Variants in DAB1 observed in about 807,000 individuals in gnomAD.
The protein encoded by DAB1 is DAB adaptor protein 1.
DAB1 carries 15 observed loss-of-function variants against 64.6 expected under a neutral mutation model. The ratio of observed to expected loss-of-function variants is 0.23; its 90% CI spans 0.16 to 0.36. DAB1 has a LOEUF of 0.36. DAB1 is among the 10% of genes least tolerant of loss of function. The pLI is 1.00. For missense variants in DAB1, 596 were observed against 706.7 expected, an observed-to-expected ratio of 0.84 and a Z score of 1.78; for synonymous variants, 235 against 251.9, an observed-to-expected ratio of 0.93 and a Z score of 0.64.
At chr1:57,475,249 C>T (rs545851442) in intron 7 of DAB1, among the ~76,000 whole-genome samples, 3 of 152,268 alleles carry the variant, frequency 2.0e-5, no homozygotes, top group African/African-American at 7.2e-5. Context: ...TGCACCCCAG[C>T]CTGGGTGACA....
chr1:57,505,263 A>G (rs983135612), intron 7 of DAB1, among the ~76,000 whole-genome samples: 5 of 152,224 alleles, frequency 3.3e-5, no homozygotes, highest in Non-Finnish European at 7.3e-5. Context: ...AAAAGTATCC[A>G]TTACATCGCA....
intron 4 of DAB1, among the ~76,000 whole-genome samples, chr1:58,280,205 G>A (rs1351705362): frequency 6.6e-6 from 1 of 152,176 alleles, no homozygotes; most frequent in African/African-American, 2.4e-5. Context: ...CCTCCTGTGA[G>A]GAGTCATCCA....
intron 1 of DAB1, among the ~76,000 whole-genome samples, chr1:57,368,633 T>C (rs1307365249): frequency 6.6e-6 from 1 of 152,148 alleles, no homozygotes; most frequent in African/African-American, 2.4e-5. Context: ...GAACACTTGA[T>C]GGGATGATCT....
intron 6 of DAB1, among the ~76,000 whole-genome samples, chr1:57,728,548 C>T (rs1009163221): frequency 1.3e-5 from 2 of 151,666 alleles, no homozygotes; most frequent in Admixed American, 6.6e-5. Context: ...GAGCCGAGAT[C>T]ACGTCACCGT....
intron 1 of DAB1, among the ~76,000 whole-genome samples, chr1:57,399,207 T>C (rs1483119578): frequency 6.6e-6 from 1 of 152,096 alleles, no homozygotes; most frequent in Non-Finnish European, 1.5e-5. Flanking sequence ...AGTGTGAGGG[T>C]CTTTTTTTCT....
At position 58,133,871 on chromosome 1, in the gene DAB1, A is replaced by C. The variant is rs184433912; in HGVS notation, n.387+16640T>G. Among the ~76,000 whole-genome samples the C allele has an allele frequency of 2.1e-3, 317 of 152,214 alleles. 4 individuals carry two copies. Among genetic ancestry groups the C allele is most frequent in the African/African-American group, 7.4e-3 (309 of 41,534 alleles). ...TGTAATGAGCAACATTGCCAATTTA[A>C]TCTTTGGGGCCTGTCAATTCCTCCT... is the stretch of plus-strand genomic sequence containing the variant. On this transcript the variant is annotated intron_variant and non_coding_transcript_variant, in intron 5 of 20. Transcript: ENST00000485760.
intron 1 of DAB1, among the ~76,000 whole-genome samples, chr1:57,329,498 A>T (rs1027347048): frequency 1.3e-5 from 2 of 152,084 alleles, no homozygotes; most frequent in African/African-American, 4.8e-5. Context: ...ATATCTAAAC[A>T]GTAATTCTAA....
Position 57,358,604 on chromosome 1 carries a change from T to G in DAB1, c.-137+65326A>C, listed in dbSNP as rs12025486. ...AATGTAACCCTTACTGGAAACATTC[T>G]TCACAGAAATAGAAAAAAAAAATCT... On this transcript the variant is annotated intron_variant, in intron 1 of 14. Coordinates refer to ENST00000371236, the MANE Select transcript of DAB1 (RefSeq NM_001365792.1). 2.6e-3 allele frequency among the ~76,000 whole-genome samples: 400 copies of G among 152,140 alleles called. 13 individuals carry two copies. The East Asian group carries it at 0.055, about 21-fold the overall frequency.
intron 14 of DAB1, among the ~76,000 whole-genome samples, chr1:56,998,843 C>T (rs143387062): frequency 1.5e-3 from 221 of 152,272 alleles, no homozygotes; most frequent in African/African-American, 5.1e-3. Flanking sequence ...GCATGTAATG[C>T]AGCAAACCTG....
intron 7 of DAB1, among the ~76,000 whole-genome samples, chr1:57,620,032 AC>A (rs1156693867): frequency 1.3e-5 from 2 of 152,138 alleles, no homozygotes; most frequent in African/African-American, 4.8e-5. Context: ...CCTCGCCTTT[AC>A]TGTATTTGTT....
chr1:58,078,215 T>C (rs745947836), intron 5 of DAB1, among the ~76,000 whole-genome samples: 4 of 152,230 alleles, frequency 2.6e-5, no homozygotes, highest in Non-Finnish European at 5.9e-5. Flanking sequence ...CCACTTTTTA[T>C]CTTAACTCCT....
At chr1:57,960,523 T>G (rs1570086066) in intron 5 of DAB1, among the ~76,000 whole-genome samples, 1 of 148,824 alleles carries the variant, frequency 6.7e-6, no homozygotes, top group Admixed American at 6.7e-5. Context: ...TCTATGTGAG[T>G]GTTAAATATT....
At chr1:57,343,089 CA>C (rs1386330945) in intron 1 of DAB1, among the ~76,000 whole-genome samples, 2 of 152,038 alleles carry the variant, frequency 1.3e-5, no homozygotes, top group Admixed American at 6.5e-5. Context: ...TCTGTTTTGA[CA>C]GGGCGCTGAT....
At chr1:57,809,850 G>A (rs537408971) in intron 6 of DAB1, among the ~76,000 whole-genome samples, 7 of 152,236 alleles carry the variant, frequency 4.6e-5, no homozygotes, top group South Asian at 2.1e-4. Flanking sequence ...TAGAACATCC[G>A]TGTTTCCTAC....
chr1:57,881,238 A>G (rs1644139077), intron 1 of DAB1, among the ~76,000 whole-genome samples: 1 of 152,224 alleles, frequency 6.6e-6, no homozygotes, highest in Non-Finnish European at 1.5e-5. Flanking sequence ...GAACACTGCC[A>G]CTACTGCTGG....
chr1:58,156,985 T>C lies in DAB1; in HGVS notation n.310-6397A>G, dbSNP rs572812623. Among the ~76,000 whole-genome samples, 37 of 152,300 alleles carry C rather than the reference T, an allele frequency of 2.4e-4. 1 individual carries two copies. The East Asian group carries it at 6.9e-3, about 29-fold the overall frequency. On this transcript the variant is annotated intron_variant and non_coding_transcript_variant, in intron 4 of 20. Coordinates refer to the DAB1 transcript ENST00000485760. ...TGGTAGTAACAGCATCTGGTCTGCC[T>C]ACCGAACGGGATCTGAGTTATTCAA...
intron 1 of DAB1, among the ~76,000 whole-genome samples, chr1:57,830,223 A>T (rs1652527718): frequency 1.3e-5 from 2 of 152,200 alleles, no homozygotes; most frequent in African/African-American, 4.8e-5. Context: ...GCAAAGAAAG[A>T]CCATTAAACC....
intron 3 of DAB1, among the ~76,000 whole-genome samples, chr1:58,366,684 C>CT (rs1435119455): frequency 2.0e-5 from 3 of 152,336 alleles, no homozygotes; most frequent in African/African-American, 4.8e-5. Flanking sequence ...CAAGGAGCAA[C>CT]TTTTTTGCCA....
chr1:57,601,415 A>G (rs1181667604), intron 7 of DAB1, among the ~76,000 whole-genome samples: 2 of 152,118 alleles, frequency 1.3e-5, no homozygotes, highest in African/African-American at 2.4e-5. Context: ...TCTACTAAAA[A>G]TACAAAATTA....
Sources: gnomAD v4.1 joint callset for allele counts (sites outside exome capture counted in the v4.1 genomes callset) on GRCh38, gnomAD v4.1.1 for gene constraint, MANE v1.5 for transcripts, NCBI Gene and HGNC (gene_info 2026-07-23, HGNC 2026-07-21) for gene names.